GPHN: variants seen among roughly 807,000 people sequenced by gnomAD.
GPHN encodes the protein gephyrin.
In GPHN, 17 loss-of-function variants were observed where a neutral mutation model predicts 95.5. That is an observed-to-expected ratio of 0.18 (90% CI 0.12 to 0.27). The LOEUF (loss-of-function observed/expected upper bound fraction) is 0.27. GPHN is among the 10% of genes least tolerant of loss of function. GPHN has a pLI of 1.00. For synonymous variants in GPHN, 320 were observed against 322.5 expected (o/e 0.99, Z 0.08); for missense variants, 660 against 978.1 (o/e 0.67, Z 4.34).
At chr14:66,938,708 A>G (rs1411230176) in intron 8 of GPHN, among the ~76,000 whole-genome samples, 1 of 152,228 alleles carries the variant, frequency 6.6e-6, no homozygotes, top group African/African-American at 2.4e-5. Flanking sequence ...TGTTGAACAC[A>G]CAAACTCTGG....
chr14:67,230,235 A>G, the GPHN span, among the ~76,000 whole-genome samples: 1 of 152,198 alleles, frequency 6.6e-6, no homozygotes, highest in South Asian at 2.1e-4. Context: ...GGCAGCATAC[A>G]CTGTAGTTGG....
chr14:67,051,977 GAAA>G (rs1255473246), intron 10 of GPHN, among the ~76,000 whole-genome samples: 3 of 151,456 alleles, frequency 2.0e-5, no homozygotes, highest in Non-Finnish European at 4.4e-5. Flanking sequence ...AATATGGAAA[GAAA>G]AAACCAATAC....
the GPHN span, among the ~76,000 whole-genome samples, chr14:67,597,464 T>C: frequency 6.6e-6 from 1 of 150,942 alleles, no homozygotes; most frequent in East Asian, 1.9e-4. Flanking sequence ...GGCAACAGAG[T>C]GAGAACCTGT....
At chr14:67,008,392 G>T (rs762150372) in intron 9 of GPHN, among the ~76,000 whole-genome samples, 1 of 151,388 alleles carries the variant, frequency 6.6e-6, no homozygotes, top group Non-Finnish European at 1.5e-5. Flanking sequence ...GGAGGTGGAG[G>T]TTGCAGTGAG....
the GPHN span, among the ~76,000 whole-genome samples, chr14:67,424,122 C>T: frequency 6.6e-6 from 1 of 152,040 alleles, no homozygotes; most frequent in African/African-American, 2.4e-5. Flanking sequence ...TGCCTGTAAT[C>T]CCAGCTACTC....
chr14:67,417,788 G>A, the GPHN span, among the ~76,000 whole-genome samples: 1 of 152,036 alleles, frequency 6.6e-6, no homozygotes, highest in South Asian at 2.1e-4. Context: ...CTGTTGCCCA[G>A]GCTGGAATGC....
chr14:66,637,367 A>C (rs1024134486), intron 1 of GPHN, among the ~76,000 whole-genome samples: 3 of 152,168 alleles, frequency 2.0e-5, no homozygotes, highest in Admixed American at 2.0e-4. Context: ...AACATGAAAC[A>C]TTAATAGATT....
chr14:66,723,212 G>T (rs2070917309), intron 2 of GPHN, among the ~76,000 whole-genome samples: 1 of 151,596 alleles, frequency 6.6e-6, no homozygotes, highest in East Asian at 1.9e-4. Context: ...CTGTTGTAAA[G>T]ACTCATCTAC....
the GPHN span, among the ~76,000 whole-genome samples, chr14:67,341,630 C>A: frequency 1.3e-5 from 2 of 152,100 alleles, no homozygotes; most frequent in South Asian, 2.1e-4. Context: ...CCCGGCCACC[C>A]CTACTGGGAA....
chr14:66,837,362 C>T (rs1430227298), intron 4 of GPHN, among the ~76,000 whole-genome samples: 1 of 144,620 alleles, frequency 6.9e-6, no homozygotes, highest in Non-Finnish European at 1.5e-5. Context: ...CCAAACACCG[C>T]ATGTTCTCAC....
At chr14:67,506,999 GAAAGAA>G in the GPHN span, among the ~76,000 whole-genome samples, 1 of 151,870 alleles carries the variant, frequency 6.6e-6, no homozygotes, top group African/African-American at 2.4e-5. Flanking sequence ...AAAAAGGAAA[GAAAGAA>G]AAAGAAAAAG....
chr14:67,023,021 T>C (rs998480256), intron 9 of GPHN, among the ~76,000 whole-genome samples: 4 of 152,082 alleles, frequency 2.6e-5, no homozygotes, highest in African/African-American at 9.6e-5. Context: ...TTCAATTTCA[T>C]TGATTTTCAA....
chr14:67,312,532 T>C, the GPHN span: 7 of 1,581,190 alleles, frequency 4.4e-6, no homozygotes, highest in Non-Finnish European at 6.0e-6. Context: ...TTTAGATCCA[T>C]GTAAAAGCTC....
intron 8 of GPHN, among the ~76,000 whole-genome samples, chr14:66,924,933 G>A (rs1357269405): frequency 6.6e-6 from 1 of 151,452 alleles, no homozygotes; most frequent in African/African-American, 2.4e-5. Context: ...TGATAATTTA[G>A]ACATTGGATG....
the GPHN span, among the ~76,000 whole-genome samples, chr14:67,245,689 T>C: frequency 1.3e-5 from 2 of 152,162 alleles, no homozygotes. Flanking sequence ...ATAAGTGATT[T>C]ACGAAGGTTT....
At chr14:67,131,486 A>G (rs2079704298) in intron 17 of GPHN, among the ~76,000 whole-genome samples, 1 of 152,172 alleles carries the variant, frequency 6.6e-6, no homozygotes, top group Non-Finnish European at 1.5e-5. Context: ...GTCCAGAAGA[A>G]TCTTACAGGG....
In GPHN at chr14:66,596,577, G is replaced by A. The variant is rs1050891744; in HGVS notation, c.65-84530G>A. On this transcript the variant is annotated intron_variant, in intron 1 of 22. Transcript: ENST00000478722. Reference sequence around the variant, plus strand: ...CTGGTGTGTCATAGCTGCCCTGAATGTGTGCACACCTGGCTGATTCATGAC... The same window carrying A: ...CTGGTGTGTCATAGCTGCCCTGAATATGTGCACACCTGGCTGATTCATGAC... Among the ~76,000 whole-genome samples, 3 of 152,202 alleles carry A rather than the reference G, an allele frequency of 2.0e-5. No homozygotes were observed. The East Asian group carries it at 5.8e-4, about 29-fold the overall frequency.
intron 10 of GPHN, among the ~76,000 whole-genome samples, chr14:67,046,155 AATAG>A (rs1482250398): frequency 6.6e-6 from 1 of 151,794 alleles, no homozygotes. Context: ...TATTTTATTA[AATAG>A]ATTAAAATAT....
chr14:67,213,444 T>G, the GPHN span, among the ~76,000 whole-genome samples: 4 of 149,610 alleles, frequency 2.7e-5, no homozygotes, highest in Non-Finnish European at 5.9e-5. Context: ...GATAGTTTAC[T>G]GAGAATGATG....
Sources: gnomAD v4.1 joint callset for allele counts (sites outside exome capture counted in the v4.1 genomes callset) on GRCh38, gnomAD v4.1.1 for gene constraint, MANE v1.5 for transcripts, NCBI Gene and HGNC (gene_info 2026-07-23, HGNC 2026-07-21) for gene names.